The following COL13A1 variants were observed in gnomAD, a reference collection of about 807,000 sequenced individuals.
COL13A1 encodes the protein collagen type XIII alpha 1 chain, also known as collagen alpha-1(XIII) chain.
A neutral mutation model predicts 130.9 loss-of-function variants in COL13A1; 89 were observed. That is an observed-to-expected ratio of 0.68 (90% CI 0.57 to 0.81). The LOEUF (loss-of-function observed/expected upper bound fraction) is 0.81, where lower values mean the gene tolerates loss of function less well. COL13A1 is among the 30% of genes least tolerant of loss of function. The pLI is 0.00. For synonymous variants in COL13A1, 402 were observed against 341.6 expected, an observed-to-expected ratio of 1.18 and a Z score of -1.95; for missense variants, 879 against 934.6, an observed-to-expected ratio of 0.94 and a Z score of 0.78.
chr10:69,929,063 T>C, intron 28 of COL13A1, 64 bp downstream of exon 28: 3 of 1,306,482 alleles, frequency 2.3e-6, no homozygotes, highest in Non-Finnish European at 3.3e-6. Context: ...GGGCTTCCCC[T>C]CCCCCTGTGA....
intron 17 of COL13A1, among the ~76,000 whole-genome samples, chr10:69,912,863 G>A (rs371271265): frequency 1.1e-4 from 17 of 152,308 alleles, no homozygotes; most frequent in African/African-American, 3.8e-4. Flanking sequence ...CACAGGAGCA[G>A]AGCTTGGCTG....
rs576424379 is a variant in COL13A1 at position 69,834,693 on chromosome 10, T to C, written c.364+12255T>C. On this transcript the variant is annotated intron_variant, in intron 2 of 40. Coordinates refer to ENST00000645393, the MANE Select transcript of COL13A1 (RefSeq NM_001368882.1). Reference sequence around the variant, plus strand: ...CAGGACTTGAACCCAGGACTTTCAATGCCAGCGCCTTTGCCCTCCGGACAA... The same window carrying C: ...CAGGACTTGAACCCAGGACTTTCAACGCCAGCGCCTTTGCCCTCCGGACAA... Among the ~76,000 whole-genome samples the C allele has an allele frequency of 1.4e-3, 209 of 152,270 alleles. 1 individual carries two copies. Among genetic ancestry groups the C allele is most frequent in the African/African-American group, 4.7e-3 (197 of 41,538 alleles).
At chr10:69,864,540 C>T (rs1190802670) in intron 2 of COL13A1, among the ~76,000 whole-genome samples, 2 of 152,322 alleles carry the variant, frequency 1.3e-5, no homozygotes, top group East Asian at 1.9e-4. Context: ...ATGAAGTTTT[C>T]CTTCCTCAGA....
Position 69,905,773 on chromosome 10 carries a change from C to G in COL13A1, c.886-14C>G. The G allele has an allele frequency of 6.2e-7, 1 of 1,613,142 alleles. No individual in the cohort carries two copies. Among genetic ancestry groups the G allele is most frequent in the East Asian group, 2.2e-5 (1 of 44,852 alleles). ...GGGAAAACCTCTTTAATGGCCTTCTCTTTGTTTTCCCAGGGAGACCCAGGG... is the reference window on the plus strand; with the variant it reads ...GGGAAAACCTCTTTAATGGCCTTCTGTTTGTTTTCCCAGGGAGACCCAGGG... On this transcript the variant is annotated splice_polypyrimidine_tract_variant and intron_variant, in intron 16 of 40. Transcript: ENST00000645393.
At chr10:69,893,731 T>G (rs2061396221) in intron 10 of COL13A1, among the ~76,000 whole-genome samples, 2 of 152,234 alleles carry the variant, frequency 1.3e-5, no homozygotes, top group Admixed American at 1.3e-4. Context: ...CCTGTCCCAG[T>G]GCCACCTTTC....
chr10:69,952,771 C>T (rs1382290352), intron 38 of COL13A1, 111 bp from the exon 39 acceptor site: 1 of 744,014 alleles, frequency 1.3e-6, no homozygotes, highest in Admixed American at 3.9e-5. Flanking sequence ...TAATTTAAAG[C>T]ATCTCTTTTT....
intron 2 of COL13A1, among the ~76,000 whole-genome samples, chr10:69,837,240 G>A (rs1335349005): frequency 6.6e-6 from 1 of 152,206 alleles, no homozygotes; most frequent in Non-Finnish European, 1.5e-5. Flanking sequence ...ATCCCATGGG[G>A]GACCTTACCA....
At chr10:69,922,034 T>C (rs2064755182) in intron 22 of COL13A1, 99 bp downstream of exon 22, 1 of 1,398,102 alleles carries the variant, frequency 7.2e-7, no homozygotes, top group Non-Finnish European at 9.6e-7. Flanking sequence ...GACGTGTCTG[T>C]CTCCCAGACT....
At chr10:69,814,265 A>C (rs527992121) in intron 1 of COL13A1, among the ~76,000 whole-genome samples, 42 of 152,340 alleles carry the variant, frequency 2.8e-4, no homozygotes, top group African/African-American at 9.1e-4. Context: ...GCAGGGCTGC[A>C]GGTCAGACCC....
At chr10:69,803,447 T>TC (rs1483332664) in intron 1 of COL13A1, among the ~76,000 whole-genome samples, 1 of 152,100 alleles carries the variant, frequency 6.6e-6, no homozygotes, top group East Asian at 1.9e-4. Flanking sequence ...GGCTGTCCCC[T>TC]CCCCAGGAAG....
intron 6 of COL13A1, among the ~76,000 whole-genome samples, chr10:69,880,135 G>T (rs180807724): frequency 5.3e-5 from 8 of 151,958 alleles, no homozygotes; most frequent in Non-Finnish European, 1.5e-5. Flanking sequence ...CCTGTTTCCC[G>T]CCACTCCAAT....
rs141018195 is a variant in COL13A1, at chr10:69,817,565, C to T, written c.295-4804C>T. 1.1e-4 allele frequency among the ~76,000 whole-genome samples: 17 copies of T among 152,024 alleles called. No homozygotes were observed. The East Asian group carries it at 1.7e-3, about 16-fold the overall frequency. Reference sequence around the variant, plus strand: ...ATGAATTTAAAGTAAGATCAGTCGGCGAGGTTGTGTGTTTCTCCCGCTTTA... The same window carrying T: ...ATGAATTTAAAGTAAGATCAGTCGGTGAGGTTGTGTGTTTCTCCCGCTTTA... On this transcript the variant is annotated intron_variant, in intron 1 of 40. Coordinates refer to ENST00000645393, the MANE Select transcript of COL13A1 (RefSeq NM_001368882.1).
intron 1 of COL13A1, among the ~76,000 whole-genome samples, chr10:69,811,469 A>G (rs1843032053): frequency 6.6e-6 from 1 of 152,202 alleles, no homozygotes; most frequent in South Asian, 2.1e-4. Context: ...GCTGGGTTAA[A>G]GGGGCATTTG....
intron 1 of COL13A1, among the ~76,000 whole-genome samples, chr10:69,819,316 G>T (rs1027031165): frequency 6.6e-6 from 1 of 152,336 alleles, no homozygotes; most frequent in East Asian, 1.9e-4. Context: ...TCACATGGAG[G>T]TCTACCTTAG....
chr10:69,852,320 A>AATG (rs1363640300), intron 2 of COL13A1, among the ~76,000 whole-genome samples: 1 of 152,222 alleles, frequency 6.6e-6, no homozygotes, highest in Non-Finnish European at 1.5e-5. Flanking sequence ...TAATAATAAT[A>AATG]ATAAGCCAAT....
intron 13 of COL13A1, among the ~76,000 whole-genome samples, chr10:69,895,827 C>A (rs1033195398): frequency 3.9e-5 from 6 of 152,164 alleles, no homozygotes; most frequent in Non-Finnish European, 7.3e-5. Context: ...GTCTGTACAT[C>A]CGCCCCTTTG....
At chr10:69,883,981 T>C (rs1020074277) in intron 7 of COL13A1, among the ~76,000 whole-genome samples, 1 of 152,032 alleles carries the variant, frequency 6.6e-6, no homozygotes, top group African/African-American at 2.4e-5. Flanking sequence ...AAGGATTTCG[T>C]GATGATAAAA....
chr10:69,830,565 T>C (rs1217549704), intron 2 of COL13A1, among the ~76,000 whole-genome samples: 1 of 151,874 alleles, frequency 6.6e-6, no homozygotes, highest in South Asian at 2.1e-4. Flanking sequence ...AACAACTATA[T>C]GCATAGATAG....
intron 16 of COL13A1, among the ~76,000 whole-genome samples, chr10:69,905,349 AC>A (rs1443873251): frequency 4.6e-5 from 7 of 152,166 alleles, no homozygotes; most frequent in Non-Finnish European, 4.4e-5. Flanking sequence ...GTGAACCCTC[AC>A]CCAGAAGCCC....
Sources: allele counts gnomAD v4.1 joint callset (sites outside exome capture counted in the v4.1 genomes callset), GRCh38; gene constraint gnomAD v4.1.1; transcripts MANE v1.5; gene names NCBI Gene and HGNC (gene_info 2026-07-23, HGNC 2026-07-21).